ATG4B: variants seen among roughly 807,000 people sequenced by gnomAD.
ATG4B encodes the protein cysteine protease ATG4B.
In ATG4B, 29 loss-of-function variants were observed where a neutral mutation model predicts 56.6. The observed-to-expected ratio is 0.51, with a 90% CI of 0.38 to 0.70. The LOEUF (loss-of-function observed/expected upper bound fraction) is 0.70. Among genes scored for constraint, ATG4B ranks in the 30% least tolerant of loss-of-function variants. The pLI is 0.00. For missense variants in ATG4B, 461 were observed against 515.5 expected, an observed-to-expected ratio of 0.89 and a Z score of 1.02; for synonymous variants, 224 against 206.1, an observed-to-expected ratio of 1.09 and a Z score of -0.74.
intron 11 of ATG4B, 72 bp from the exon 12 acceptor site, chr2:241,671,240 G>A (rs1575095035): frequency 7.3e-7 from 1 of 1,378,132 alleles, no homozygotes; most frequent in Admixed American, 2.0e-5. Context: ...GCTGTGGCCG[G>A]CTGGCCCCTT....
intron 5 of ATG4B, 189 bp from the exon 6 acceptor site, chr2:241,655,082 G>A: frequency 1.6e-6 from 1 of 613,214 alleles, no homozygotes; most frequent in South Asian, 2.0e-5. Flanking sequence ...AGTTCATAGT[G>A]AAGGACAGTC....
At chr2:241,660,168 C>T (rs1189588647) in intron 7 of ATG4B, among the ~76,000 whole-genome samples, 4 of 152,170 alleles carry the variant, frequency 2.6e-5, no homozygotes, top group African/African-American at 9.7e-5. Context: ...CCAGCCTGGC[C>T]ACAGAGCGAG....
chr2:241,655,284 TG>T lies in ATG4B; in HGVS notation c.401del (p.Gly134AlafsTer6). ...TGTTCCCTGCAGCGCAAATGGGAGTTGGCGAAGGCAAGTCCATAGGCCAGTG... is the reference window on the plus strand; with the variant it reads ...TGTTCCCTGCAGCGCAAATGGGAGTTGCGAAGGCAAGTCCATAGGCCAGTG... The part of the protein sequence containing the change: ...SIHQIAQMGV[G>X]EGKSIGQWYG... On this transcript the variant is annotated frameshift_variant, in exon 6 of 13. Transcript: ENST00000404914. LOFTEE classifies it high-confidence loss of function. The T allele has an allele frequency of 6.2e-7, 1 of 1,611,956 alleles. No homozygotes were observed. Among genetic ancestry groups the T allele is most frequent in the Admixed American group, 1.7e-5 (1 of 59,754 alleles).
chr2:241,664,699 C>T (rs750500205), intron 7 of ATG4B, among the ~76,000 whole-genome samples: 1 of 152,156 alleles, frequency 6.6e-6, no homozygotes, highest in Non-Finnish European at 1.5e-5. Context: ...GCACATGGCT[C>T]ATGTCTGTAA....
intron 6 of ATG4B, among the ~76,000 whole-genome samples, chr2:241,656,460 A>C (rs1219345728): frequency 6.6e-6 from 1 of 151,218 alleles, no homozygotes; most frequent in Non-Finnish European, 1.5e-5. Context: ...CCTTCCACTC[A>C]CACTTCTCTT....
Position 241,673,718 on chromosome 2 carries a change from T to G in ATG4B, c.*1454T>G, listed in dbSNP as rs7740. The stretch of plus-strand genomic sequence containing the variant: ...GCCGCTGTGCTGGGAGCTGCAGTGG[T>G]AATGTGTGGGACACCTTGACCAAAG... On this transcript the variant is annotated 3_prime_UTR_variant, in exon 13 of 13. Transcript: ENST00000404914. The G allele has an allele frequency of 0.58, 265,267 of 455,268 alleles. 79,867 individuals are homozygous for G. The highest frequency in any genetic ancestry group is 0.7 in the Middle Eastern group (1,358 of 1,944). 28.2% of individuals were successfully genotyped at this position (455,268 alleles called of 1,614,324 possible). A position where few individuals can be genotyped will look rare whatever the true frequency, so the allele number is the denominator to read the frequency against.
rs559036202 is a variant in ATG4B at position 241,673,599 on chromosome 2, G to A, written c.*1335G>A. 19 of 455,660 alleles carry A rather than the reference G, an allele frequency of 4.2e-5. No homozygotes were observed. The highest frequency in any genetic ancestry group is 2.8e-4 in the African/African-American group (14 of 50,096). 28.2% of individuals were successfully genotyped at this position (455,660 alleles called of 1,614,324 possible). A position where few individuals can be genotyped will look rare whatever the true frequency, so the allele number is the denominator to read the frequency against. ...CATTGAAGACATAGTGTATTTCCTC[G>A]TATCCTTTCTCCCTTGGGTGTAGTT... On this transcript the variant is annotated 3_prime_UTR_variant, in exon 13 of 13. Coordinates refer to ENST00000404914, the MANE Select transcript of ATG4B (RefSeq NM_013325.5).
intron 11 of ATG4B, 87 bp from the exon 12 acceptor site, chr2:241,671,225 C>A: frequency 3.3e-6 from 4 of 1,196,604 alleles, no homozygotes; most frequent in Non-Finnish European, 1.2e-6. Flanking sequence ...CAGGTTTGTC[C>A]GCTGGCTGTG....
At chr2:241,672,056 T>G in intron 12 of ATG4B, 135 bp from the exon 13 acceptor site, 2 of 1,442,302 alleles carry the variant, frequency 1.4e-6, no homozygotes, top group East Asian at 2.7e-5. Flanking sequence ...CCGGACCTGT[T>G]CACACCCGCA....
chr2:241,669,838 G>A (rs996229306), intron 10 of ATG4B, among the ~76,000 whole-genome samples: 2 of 152,212 alleles, frequency 1.3e-5, no homozygotes, highest in Non-Finnish European at 2.9e-5. Context: ...ACCTAGTCAC[G>A]AATTCCTCGT....
At chr2:241,659,522 TTGA>T (rs1575077779) in intron 7 of ATG4B, 1 of 379,254 alleles carries the variant, frequency 2.6e-6, no homozygotes, top group Non-Finnish European at 5.3e-6. Context: ...TTTGCGTGCC[TTGA>T]TGTGCGACAG....
rs111277441 is a variant in ATG4B at position 241,652,013 on chromosome 2, G to A, written c.184+678G>A. The A allele has an allele frequency of 2.3e-3, 2,972 of 1,290,146 alleles. 64 individuals carry two copies. In the African/African-American group the frequency reaches 0.041, roughly 18 times the overall value. The allele number at this position is 1,290,146 out of a possible 1,614,324, so 79.9% of individuals were successfully genotyped here. A position where few individuals can be genotyped will look rare whatever the true frequency, so the allele number is the denominator to read the frequency against. On this transcript the variant is annotated intron_variant, in intron 3 of 12. Coordinates refer to ENST00000404914, the MANE Select transcript of ATG4B (RefSeq NM_013325.5). ...TGGCGTCATGCTTCCTCAGTGCCAG[G>A]TCAGGGTTTGGTCCCTCTTCTAGGG... is the stretch of plus-strand genomic sequence containing the variant.
intron 5 of ATG4B, 154 bp downstream of exon 5, chr2:241,654,801 T>C: frequency 1.5e-6 from 1 of 648,102 alleles, no homozygotes; most frequent in Non-Finnish European, 2.7e-6. Context: ...TGCGCTGCTG[T>C]CACATCACCC....
intron 3 of ATG4B, chr2:241,653,268 T>A: frequency 7.0e-7 from 1 of 1,419,498 alleles, no homozygotes; most frequent in Non-Finnish European, 9.7e-7. Flanking sequence ...TTCCTTTTGC[T>A]CCGTGACTGA....
intron 4 of ATG4B, 65 bp from the exon 5 acceptor site, chr2:241,654,481 T>C (rs1223626538): frequency 7.4e-6 from 8 of 1,079,542 alleles, no homozygotes; most frequent in Middle Eastern, 2.0e-4. Context: ...GTATCTTTAG[T>C]GTGAAAGTGA....
At chr2:241,667,911 C>T (rs920770954) in intron 8 of ATG4B, 23 of 520,414 alleles carry the variant, frequency 4.4e-5, no homozygotes, top group Non-Finnish European at 7.9e-5. Flanking sequence ...CCCCAAAGCC[C>T]ACCTCTGACA....
In ATG4B at chr2:241,668,489, T is replaced by C; in HGVS notation, c.812-51T>C. 1 of 1,581,782 alleles carries C rather than the reference T, an allele frequency of 6.3e-7. No individual in the cohort carries two copies. The highest frequency in any genetic ancestry group is 8.6e-7 in the Non-Finnish European group (1 of 1,169,382). On this transcript the variant is annotated intron_variant, in intron 9 of 12. Transcript: ENST00000404914. This position sits in a 1 kb window ranked among gnomAD's most constrained non-coding sequence, Gnocchi z 4.2. ...TCTGAAATGCGGCCTCCTCTGTCCC[T>C]TTCCTCTGCCGGCTCGGCCACCCAC...
In ATG4B at chr2:241,668,465, C is replaced by A; in HGVS notation, c.812-75C>A. On this transcript the variant is annotated intron_variant, in intron 9 of 12. Transcript: ENST00000404914. The surrounding 1 kb of genome is among the most constrained non-coding windows in gnomAD (Gnocchi z 4.2). ...TCAGTGTGATGTGGGTGCAGTGGGT[C>A]TGAAATGCGGCCTCCTCTGTCCCTT... is the stretch of plus-strand genomic sequence containing the variant. 6.5e-7 allele frequency: 1 copy of A among 1,545,092 alleles called. No homozygotes were observed. The highest frequency in any genetic ancestry group is 1.2e-5 in the South Asian group (1 of 84,912).
Position 241,659,124 on chromosome 2 carries a change from G to A in ATG4B, c.475G>A (p.Asp159Asn), listed in dbSNP as rs745809380. The change falls in exon 7 of 13, where the codon GAT becomes AAT. Residue 159 changes from aspartate (D) to asparagine (N), a missense_variant. Coordinates refer to ENST00000404914, the MANE Select transcript of ATG4B (RefSeq NM_013325.5). Reference sequence around the variant, plus strand: ...TCTCTGTAGGAAGCTTGCTGTCTTCGATACGTGGAGCTCCTTGGCGGTCCA... The same window carrying A: ...TCTCTGTAGGAAGCTTGCTGTCTTCAATACGTGGAGCTCCTTGGCGGTCCA... ...AQVLKKLAVFDTWSSLAVHIA... is the reference protein window; with the variant it reads ...AQVLKKLAVFNTWSSLAVHIA... 2 of 1,609,024 alleles carry A rather than the reference G, an allele frequency of 1.2e-6. No homozygotes were observed. Among genetic ancestry groups the A allele is most frequent in the Non-Finnish European group, 8.5e-7 (1 of 1,176,302 alleles).
Sources: allele counts gnomAD v4.1 joint callset (sites outside exome capture counted in the v4.1 genomes callset), GRCh38; gene constraint gnomAD v4.1.1; non-coding constraint Gnocchi (gnomAD v3.1); transcripts MANE v1.5; gene names NCBI Gene and HGNC (gene_info 2026-07-23, HGNC 2026-07-21).